The following ZBTB44 variants were observed in gnomAD, a reference collection of about 807,000 sequenced individuals.
The protein encoded by ZBTB44 is zinc finger and BTB domain-containing protein 44.
A neutral mutation model predicts 54.0 loss-of-function variants in ZBTB44; 15 were observed. The ratio of observed to expected loss-of-function variants is 0.28; its 90% CI spans 0.19 to 0.43. ZBTB44 has a LOEUF of 0.43. Among genes scored for constraint, ZBTB44 ranks in the 20% least tolerant of loss-of-function variants. The probability of loss-of-function intolerance (pLI) is 1.00; values close to 1 mark genes in which losing one functional copy is unlikely to be tolerated. For synonymous variants in ZBTB44, 230 were observed against 250.1 expected, an observed-to-expected ratio of 0.92 and a Z score of 0.76; for missense variants, 487 against 707.1, an observed-to-expected ratio of 0.69 and a Z score of 3.53.
At chr11:130,243,678 A>G (rs561535827) in intron 2 of ZBTB44, among the ~76,000 whole-genome samples, 1 of 152,320 alleles carries the variant, frequency 6.6e-6, no homozygotes, top group East Asian at 1.9e-4. Flanking sequence ...TTAGGAATGG[A>G]AGTGGTATAT....
chr11:130,236,729 T>TA, intron 5 of ZBTB44, 64 bp downstream of exon 5: 1 of 1,322,870 alleles, frequency 7.6e-7, no homozygotes, highest in Non-Finnish European at 9.6e-7. Context: ...AAGGCTGCCC[T>TA]AAAAGCAGGA....
chr11:130,243,118 C>A (rs538690319), intron 2 of ZBTB44, among the ~76,000 whole-genome samples: 1 of 152,320 alleles, frequency 6.6e-6, no homozygotes, highest in South Asian at 2.1e-4. Flanking sequence ...CTGTTCTCTG[C>A]AATTATTGTT....
chr11:130,299,888 G>T (rs1034783520), intron 1 of ZBTB44, among the ~76,000 whole-genome samples: 1 of 152,186 alleles, frequency 6.6e-6, no homozygotes, highest in African/African-American at 2.4e-5. Context: ...ATTCACAACA[G>T]CCAAAAGGTA....
chr11:130,259,574 T>C (rs956542239), intron 2 of ZBTB44, among the ~76,000 whole-genome samples: 5 of 152,094 alleles, frequency 3.3e-5, no homozygotes, highest in Admixed American at 1.3e-4. Flanking sequence ...CAATAATAGA[T>C]TGGATAAAGA....
At chr11:130,235,934 CA>C (rs935101546) in intron 5 of ZBTB44, among the ~76,000 whole-genome samples, 1 of 148,900 alleles carries the variant, frequency 6.7e-6, no homozygotes, top group Non-Finnish European at 1.5e-5. Flanking sequence ...CGTGCCACTG[CA>C]TTCCAGCCTG....
chr11:130,236,588 A>G (rs1176848176), intron 5 of ZBTB44: 3 of 458,470 alleles, frequency 6.5e-6, no homozygotes, highest in Non-Finnish European at 1.1e-5. Context: ...AATACCAACT[A>G]TAAAATGTTT....
intron 1 of ZBTB44, among the ~76,000 whole-genome samples, chr11:130,289,535 T>C (rs2134347336): frequency 6.8e-6 from 1 of 147,502 alleles, no homozygotes; most frequent in South Asian, 2.1e-4. Flanking sequence ...AGAATGTTTA[T>C]CTGGCCAAGA....
At chr11:130,236,150 A>C in intron 5 of ZBTB44, 1 of 1,288,148 alleles carries the variant, frequency 7.8e-7, no homozygotes, top group South Asian at 1.2e-5. Flanking sequence ...TCATGTGTAA[A>C]GTGACAGGTT....
chr11:130,236,270 C>A, intron 5 of ZBTB44: 6 of 1,263,282 alleles, frequency 4.7e-6, no homozygotes, highest in Non-Finnish European at 6.2e-6. Flanking sequence ...GAATAGAGCT[C>A]TAAACTGAAT....
At chr11:130,293,669 C>T (rs926191041) in intron 1 of ZBTB44, among the ~76,000 whole-genome samples, 5 of 150,666 alleles carry the variant, frequency 3.3e-5, no homozygotes, top group Admixed American at 2.0e-4. Context: ...TGGTGGTGCA[C>T]GCCGTCATCT....
Position 130,260,884 on chromosome 11 carries a change from A to C in ZBTB44, c.990T>G (p.Leu330=). 3 of 1,613,830 alleles carry C rather than the reference A, an allele frequency of 1.9e-6. No homozygotes were observed. Among genetic ancestry groups the C allele is most frequent in the South Asian group, 2.2e-5 (2 of 91,054 alleles). ...TAGAGGAAGACTGTGGACTAATCAG[A>C]AGGTCCTCTTGGACTTGTTCACTTC... The part of the protein sequence containing the change: ...VPGSEQVQED[L]LISPQSSSIG... The change falls in exon 2 of 8, where the codon CTT becomes CTG. Residue 330 remains leucine (L), a synonymous_variant. Transcript: ENST00000357899.
At chr11:130,232,330 C>G (rs996332311) in intron 7 of ZBTB44, 1 of 152,164 alleles carries the variant, frequency 6.6e-6, no homozygotes, top group African/African-American at 2.4e-5. Context: ...GGTATCTACA[C>G]AGAAACTTAT....
At chr11:130,276,242 A>AAAAAAAAAAAAAAAAAG (rs59112840) in intron 1 of ZBTB44, among the ~76,000 whole-genome samples, 4,952 of 93,462 alleles carry the variant, frequency 0.053, 323 homozygotes, top group Non-Finnish European at 0.073. Flanking sequence ...CAAAAAAAAA[A>AAAAAAAAAAAAAAAAAG]AAAAGAAAAA....
rs180936667 is a variant in ZBTB44, at chr11:130,272,363, A to G, written c.-56-10434T>C. The stretch of plus-strand genomic sequence containing the variant: ...TGTAGTTTTAATTTACATTTCCCTG[A>G]TAAGTAACAATGTTGAGCATCTTCA... On this transcript the variant is annotated intron_variant, in intron 1 of 7. Transcript: ENST00000357899. Among the ~76,000 whole-genome samples the G allele has an allele frequency of 3.0e-3, 453 of 152,348 alleles. 2 individuals carry two copies. The highest frequency in any genetic ancestry group is 6.8e-3 in the Middle Eastern group (2 of 294).
intron 1 of ZBTB44, among the ~76,000 whole-genome samples, chr11:130,294,338 G>C (rs113920286): frequency 6.6e-5 from 10 of 151,926 alleles, no homozygotes; most frequent in Admixed American, 2.0e-4. Context: ...CTTGAACCTG[G>C]GGGGCAGAAG....
chr11:130,259,031 A>T (rs947634189), intron 2 of ZBTB44, among the ~76,000 whole-genome samples: 3 of 152,178 alleles, frequency 2.0e-5, no homozygotes, highest in Non-Finnish European at 1.5e-5. Context: ...GATGTGAAAG[A>T]CCTCTTCAAG....
chr11:130,238,802 T>C, intron 3 of ZBTB44, 195 bp from the exon 4 acceptor site: 2 of 617,918 alleles, frequency 3.2e-6, no homozygotes, highest in South Asian at 5.7e-5. Flanking sequence ...TGTTTTTTTT[T>C]TTTATTTTTT....
intron 1 of ZBTB44, among the ~76,000 whole-genome samples, chr11:130,279,823 C>T (rs966398763): frequency 7.9e-5 from 12 of 152,110 alleles, no homozygotes; most frequent in African/African-American, 2.9e-4. Flanking sequence ...TTTGAGAGTG[C>T]CCTTAGCTTT....
intron 1 of ZBTB44, among the ~76,000 whole-genome samples, chr11:130,265,417 G>A (rs1474017491): frequency 6.6e-6 from 1 of 152,068 alleles, no homozygotes; most frequent in Non-Finnish European, 1.5e-5. Flanking sequence ...TAGAGAGGGG[G>A]TTTCACCATG....
Sources: gnomAD v4.1 joint callset for allele counts (sites outside exome capture counted in the v4.1 genomes callset) on GRCh38, gnomAD v4.1.1 for gene constraint, MANE v1.5 for transcripts, NCBI Gene and HGNC (gene_info 2026-07-23, HGNC 2026-07-21) for gene names.